LUZP2: variants seen among roughly 807,000 people sequenced by gnomAD.
LUZP2 encodes leucine zipper protein 2.
In LUZP2, 52 loss-of-function variants were observed where a neutral mutation model predicts 51.6. That is an observed-to-expected ratio of 1.01 (90% CI 0.81 to 1.27). The LOEUF (loss-of-function observed/expected upper bound fraction) is 1.27. LUZP2 is among the 50% of genes most tolerant of loss of function. The pLI is 0.00. For synonymous variants in LUZP2, 154 were observed against 137.3 expected (o/e 1.12, Z -0.85); for missense variants, 436 against 395.4 (o/e 1.10, Z -0.87).
intron 1 of LUZP2, among the ~76,000 whole-genome samples, chr11:24,610,576 A>C (rs537583638): frequency 3.3e-5 from 5 of 152,358 alleles, no homozygotes; most frequent in South Asian, 2.1e-4. Flanking sequence ...ATAACATCTC[A>C]CAGAATCCAG....
At chr11:24,981,892 A>C (rs1856041654) in intron 8 of LUZP2, among the ~76,000 whole-genome samples, 1 of 151,620 alleles carries the variant, frequency 6.6e-6, no homozygotes, top group African/African-American at 2.4e-5. Context: ...AGCATATACA[A>C]GGAATTTAAA....
chr11:24,567,813 A>T (rs1160990980), intron 1 of LUZP2, among the ~76,000 whole-genome samples: 1 of 152,188 alleles, frequency 6.6e-6, no homozygotes, highest in Admixed American at 6.6e-5. Flanking sequence ...TTGCTAGCAG[A>T]TCTGCCTGAA....
chr11:24,693,621 A>G (rs999502154), intron 1 of LUZP2, among the ~76,000 whole-genome samples: 3 of 152,010 alleles, frequency 2.0e-5, no homozygotes, highest in Non-Finnish European at 2.9e-5. Flanking sequence ...AAAAGAAACT[A>G]TGCACTTCAT....
intron 5 of LUZP2, among the ~76,000 whole-genome samples, chr11:24,881,230 T>G (rs886829993): frequency 6.6e-6 from 1 of 151,900 alleles, no homozygotes; most frequent in Non-Finnish European, 1.5e-5. Context: ...TTAACTCAAC[T>G]GAGATGCCTT....
intron 1 of LUZP2, among the ~76,000 whole-genome samples, chr11:24,712,408 T>TAA (rs538652734): frequency 0.015 from 2,138 of 146,268 alleles, 48 homozygotes; most frequent in African/African-American, 0.049. Flanking sequence ...AGATCCTGCC[T>TAA]AAAAAAAAAA....
chr11:24,800,513 T>C (rs1849666567), intron 5 of LUZP2, among the ~76,000 whole-genome samples: 1 of 150,372 alleles, frequency 6.7e-6, no homozygotes, highest in Admixed American at 6.7e-5. Context: ...ACCTCCCACA[T>C]TACATTCACA....
chr11:24,990,443 T>G (rs1856304238), intron 9 of LUZP2, among the ~76,000 whole-genome samples: 1 of 152,232 alleles, frequency 6.6e-6, no homozygotes, highest in Non-Finnish European at 1.5e-5. Context: ...GAACATAATC[T>G]TGTCTCACTG....
chr11:25,071,575 CT>C (rs1368893384), intron 10 of LUZP2, among the ~76,000 whole-genome samples: 1 of 151,710 alleles, frequency 6.6e-6, no homozygotes, highest in Admixed American at 6.6e-5. Flanking sequence ...TTGAAGTAAT[CT>C]AGTTTTTCTC....
intron 1 of LUZP2, among the ~76,000 whole-genome samples, chr11:24,554,999 A>G (rs1490651426): frequency 6.6e-6 from 1 of 152,150 alleles, no homozygotes; most frequent in Non-Finnish European, 1.5e-5. Context: ...TACTGCATTC[A>G]TGTCAAAGGA....
At chr11:24,637,720 C>T (rs575248020) in intron 1 of LUZP2, among the ~76,000 whole-genome samples, 2 of 151,786 alleles carry the variant, frequency 1.3e-5, no homozygotes, top group Admixed American at 6.6e-5. Context: ...TGGGAAATTC[C>T]AGCCTGGTGA....
intron 7 of LUZP2, among the ~76,000 whole-genome samples, chr11:24,935,503 T>A (rs567778432): frequency 4.6e-4 from 70 of 152,316 alleles, no homozygotes; most frequent in African/African-American, 1.3e-3. Context: ...CATTTTAGGT[T>A]CTAAAATTAT....
At chr11:25,072,882 C>T (rs2134057294) in intron 10 of LUZP2, among the ~76,000 whole-genome samples, 1 of 152,090 alleles carries the variant, frequency 6.6e-6, no homozygotes, top group South Asian at 2.1e-4. Context: ...TCTTTTCTTT[C>T]CAAAGCAAAA....
At chr11:24,574,516 A>T (rs1312065409) in intron 1 of LUZP2, among the ~76,000 whole-genome samples, 1 of 151,940 alleles carries the variant, frequency 6.6e-6, no homozygotes, top group Non-Finnish European at 1.5e-5. Context: ...TAATGCTAAT[A>T]ATGCAAAGAA....
intron 7 of LUZP2, among the ~76,000 whole-genome samples, chr11:24,944,206 G>T (rs1051607652): frequency 1.3e-5 from 2 of 152,078 alleles, no homozygotes; most frequent in Admixed American, 6.5e-5. Context: ...GGGGTCAAAG[G>T]CATAAATATT....
intron 9 of LUZP2, among the ~76,000 whole-genome samples, chr11:25,030,480 C>T (rs1042066413): frequency 2.6e-4 from 40 of 152,058 alleles, no homozygotes; most frequent in African/African-American, 8.7e-4. Flanking sequence ...TGTCTATCAA[C>T]ATTAAAGAAT....
At chr11:24,694,320 C>A (rs1857172886) in intron 1 of LUZP2, among the ~76,000 whole-genome samples, 1 of 152,016 alleles carries the variant, frequency 6.6e-6, no homozygotes, top group African/African-American at 2.4e-5. Flanking sequence ...TCTATCTGTT[C>A]AGCTAACTTC....
rs138488996 is a variant in LUZP2 at position 25,033,461 on chromosome 11, T to A, written c.766-16577T>A. Among the ~76,000 whole-genome samples, 7 of 152,264 alleles carry A rather than the reference T, an allele frequency of 4.6e-5. No homozygotes were observed. In the East Asian group the frequency reaches 1.4e-3, roughly 29 times the overall value. The stretch of plus-strand genomic sequence containing the variant: ...TTATTTTAGATACATGATGTACATG[T>A]GTACGTTTGTTACATGGGAATATTG... On this transcript the variant is annotated intron_variant, in intron 9 of 11. Transcript: ENST00000336930.
intron 10 of LUZP2, among the ~76,000 whole-genome samples, chr11:25,061,760 A>G (rs1590887706): frequency 6.6e-6 from 1 of 152,272 alleles, no homozygotes; most frequent in East Asian, 1.9e-4. Context: ...TAATTAATCC[A>G]TCATTCACTA....
chr11:24,722,387 G>A (rs866635769), intron 1 of LUZP2, among the ~76,000 whole-genome samples: 2 of 152,036 alleles, frequency 1.3e-5, no homozygotes, highest in African/African-American at 2.4e-5. Context: ...CATCTTACAC[G>A]GATGGCAGCA....
Sources: allele counts gnomAD v4.1 joint callset (sites outside exome capture counted in the v4.1 genomes callset), GRCh38; gene constraint gnomAD v4.1.1; transcripts MANE v1.5; gene names NCBI Gene and HGNC (gene_info 2026-07-23, HGNC 2026-07-21).